Variants in DPP6 observed in about 807,000 individuals in gnomAD.
DPP6 encodes the protein A-type potassium channel modulatory protein DPP6.
A neutral mutation model predicts 122.6 loss-of-function variants in DPP6; 69 were observed. The ratio of observed to expected loss-of-function variants is 0.56; its 90% CI spans 0.46 to 0.69. DPP6 has a LOEUF of 0.69. Ranked by LOEUF, DPP6 falls within the 30% of genes least tolerant of loss-of-function variation. The probability of loss-of-function intolerance (pLI) is 0.00; values close to 1 mark genes in which losing one functional copy is unlikely to be tolerated. For missense variants in DPP6, 928 were observed against 1,116.9 expected, an observed-to-expected ratio of 0.83 and a Z score of 2.41; for synonymous variants, 418 against 433.1, an observed-to-expected ratio of 0.97 and a Z score of 0.43.
chr7:153,855,844 A>C, the DPP6 span, among the ~76,000 whole-genome samples: 3 of 151,128 alleles, frequency 2.0e-5, no homozygotes, highest in African/African-American at 7.3e-5. Context: ...TTCTAGATTC[A>C]AAAAAAAATA....
chr7:153,986,304 T>G (rs893875760), intron 1 of DPP6, among the ~76,000 whole-genome samples: 1 of 152,206 alleles, frequency 6.6e-6, no homozygotes, highest in Admixed American at 6.5e-5. Context: ...TTTTTTCTAT[T>G]TGTCTAAGTA....
intron 8 of DPP6, among the ~76,000 whole-genome samples, chr7:154,765,708 G>A (rs1371966934): frequency 2.0e-5 from 3 of 152,122 alleles, no homozygotes; most frequent in Non-Finnish European, 4.4e-5. Context: ...GACTGTCCCC[G>A]GATGTATCTT....
chr7:154,801,400 A>G lies in DPP6; in HGVS notation c.1345A>G (p.Ile449Val). Reference protein sequence around the residue: ...FSKDGRKFFFIRAIPQGGRGK... With the variant: ...FSKDGRKFFFVRAIPQGGRGK... ...CAAGGATGGCCGAAAGTTTTTCTTC[A>G]TCAGAGCCATCCCCCAGGGAGGACG... Residue 449 changes from isoleucine to valine, a missense_variant, in exon 13 of 26, where the codon ATC (isoleucine) becomes GTC (valine). Transcript: ENST00000377770. 1.3e-6 allele frequency: 2 copies of G among 1,597,572 alleles called. No individual in the cohort carries two copies. Among genetic ancestry groups the G allele is most frequent in the Admixed American group, 3.4e-5 (2 of 58,160 alleles).
At chr7:153,940,228 A>T (rs1801635493) in intron 1 of DPP6, among the ~76,000 whole-genome samples, 1 of 152,194 alleles carries the variant, frequency 6.6e-6, no homozygotes, top group African/African-American at 2.4e-5. Flanking sequence ...TGACCTAGCC[A>T]TGACAGCACT....
intron 1 of DPP6, among the ~76,000 whole-genome samples, chr7:153,893,231 A>G (rs965902388): frequency 2.6e-5 from 4 of 152,208 alleles, no homozygotes; most frequent in African/African-American, 9.7e-5. Context: ...TAAATGTACT[A>G]AATTGGCTCT....
At chr7:153,825,587 TCTCA>T in the DPP6 span, among the ~76,000 whole-genome samples, 1 of 152,120 alleles carries the variant, frequency 6.6e-6, no homozygotes, top group East Asian at 1.9e-4. Context: ...TTTTGAGACA[TCTCA>T]CTCTGTTGCT....
intron 1 of DPP6, among the ~76,000 whole-genome samples, chr7:154,397,648 C>T (rs553771787): frequency 4.6e-5 from 7 of 152,184 alleles, no homozygotes; most frequent in African/African-American, 1.7e-4. Context: ...ATGCTGTTAA[C>T]ACTTCATGCT....
At chr7:154,199,051 G>A (rs1163412208) in intron 1 of DPP6, among the ~76,000 whole-genome samples, 1 of 151,730 alleles carries the variant, frequency 6.6e-6, no homozygotes, top group African/African-American at 2.4e-5. Context: ...CCCAAATGTG[G>A]GGACACCTGG....
chr7:154,507,067 G>A (rs1378007735), intron 3 of DPP6, among the ~76,000 whole-genome samples: 1 of 152,124 alleles, frequency 6.6e-6, no homozygotes, highest in African/African-American at 2.4e-5. Context: ...AAGTATATTA[G>A]TCAATCTCCT....
intron 1 of DPP6, among the ~76,000 whole-genome samples, chr7:154,151,280 C>G (rs1274467999): frequency 6.6e-6 from 1 of 152,180 alleles, no homozygotes; most frequent in Admixed American, 6.5e-5. Flanking sequence ...TCACCTCCTC[C>G]CTAGACCTTC....
intron 10 of DPP6, among the ~76,000 whole-genome samples, chr7:154,793,241 T>A (rs145124632): frequency 9.5e-4 from 145 of 152,328 alleles, no homozygotes; most frequent in African/African-American, 3.3e-3. Context: ...TGAACGCGCA[T>A]TAGCTGGCTT....
At chr7:154,201,321 G>T (rs1191872733) in intron 1 of DPP6, among the ~76,000 whole-genome samples, 1 of 152,106 alleles carries the variant, frequency 6.6e-6, no homozygotes, top group Non-Finnish European at 1.5e-5. Context: ...TAGAGACAGG[G>T]TTTCACCATG....
intron 12 of DPP6, 117 bp from the exon 13 acceptor site, chr7:154,801,238 T>C: frequency 7.1e-7 from 1 of 1,409,272 alleles, no homozygotes; most frequent in Non-Finnish European, 9.6e-7. Flanking sequence ...ATTTCAACTG[T>C]TCCTCTCCTT....
chr7:154,545,349 TTGGCCAATGG>T (rs1829085894), intron 4 of DPP6, among the ~76,000 whole-genome samples: 1 of 152,152 alleles, frequency 6.6e-6, no homozygotes, highest in African/African-American at 2.4e-5. Flanking sequence ...CTTTGGACAT[TTGGCCAATGG>T]TTGCCTGGTT....
chr7:154,078,115 C>T (rs779257313), intron 1 of DPP6, among the ~76,000 whole-genome samples: 4 of 152,042 alleles, frequency 2.6e-5, no homozygotes, highest in Non-Finnish European at 4.4e-5. Flanking sequence ...CATGTGAATG[C>T]ATTCAGGACT....
intron 5 of DPP6, among the ~76,000 whole-genome samples, chr7:154,626,048 G>A (rs977983345): frequency 6.6e-6 from 1 of 152,138 alleles, no homozygotes; most frequent in Admixed American, 6.5e-5. Flanking sequence ...CTCAGTGGCC[G>A]CCAGTAGAAG....
At chr7:154,462,715 A>G (rs1821398702) in intron 2 of DPP6, among the ~76,000 whole-genome samples, 1 of 152,038 alleles carries the variant, frequency 6.6e-6, no homozygotes, top group African/African-American at 2.4e-5. Flanking sequence ...TTTGTTACAT[A>G]TGTATACATG....
intron 3 of DPP6, among the ~76,000 whole-genome samples, chr7:154,496,918 T>A (rs1036038469): frequency 2.6e-5 from 4 of 152,180 alleles, no homozygotes; most frequent in African/African-American, 9.7e-5. Flanking sequence ...ATTTAGAGAA[T>A]ATAAAAAATT....
intron 7 of DPP6, among the ~76,000 whole-genome samples, chr7:154,709,079 A>T (rs1841002074): frequency 6.6e-6 from 1 of 152,208 alleles, no homozygotes; most frequent in South Asian, 2.1e-4. Flanking sequence ...TAACGTTGAA[A>T]AGCATTCCTA....
Sources: allele counts gnomAD v4.1 joint callset (sites outside exome capture counted in the v4.1 genomes callset), GRCh38; gene constraint gnomAD v4.1.1; transcripts MANE v1.5; gene names NCBI Gene and HGNC (gene_info 2026-07-23, HGNC 2026-07-21).